FRRS1: variants seen among roughly 807,000 people sequenced by gnomAD.
FRRS1 encodes ferric chelate reductase 1, also known as ferric reductase 1.
A neutral mutation model predicts 70.7 loss-of-function variants in FRRS1; 51 were observed. The ratio of observed to expected loss-of-function variants is 0.72; its 90% confidence interval spans 0.58 to 0.91. FRRS1 has a LOEUF of 0.91. Among genes scored for constraint, FRRS1 ranks in the 40% least tolerant of loss-of-function variants. The pLI is 0.00. For missense variants in FRRS1, 672 were observed against 726.0 expected (o/e 0.93, Z 0.86); for synonymous variants, 225 against 238.7 (o/e 0.94, Z 0.53).
rs141062320 is a variant in FRRS1 at position 99,754,641 on chromosome 1, G to A, written c.-105-5640C>T. 5.6e-3 allele frequency among the ~76,000 whole-genome samples: 859 copies of A among 152,212 alleles called. 9 individuals are homozygous for A. In the Middle Eastern group the frequency reaches 0.092, roughly 16 times the overall value. ...TATTTCATCCAACAACAGAATACAC[G>A]TTCCTCTCAAGCTCACATGGAATGT... On this transcript the variant is annotated intron_variant, in intron 1 of 16. Coordinates refer to ENST00000646001, the MANE Select transcript of FRRS1 (RefSeq NM_001361041.2).
chr1:99,709,138 A>T lies in FRRS1; in HGVS notation c.1687-18T>A. On this transcript the variant is annotated intron_variant, in intron 16 of 16. Transcript: ENST00000646001. Reference sequence around the variant, plus strand: ...GCATGACCCTGAAAGAAAAATTGAGATATGAAAAAAAAAAGTATTACCATT... The same window carrying T: ...GCATGACCCTGAAAGAAAAATTGAGTTATGAAAAAAAAAAGTATTACCATT... 6.2e-7 allele frequency: 1 copy of T among 1,607,454 alleles called. No homozygotes were observed. Among genetic ancestry groups the T allele is most frequent in the Non-Finnish European group, 8.5e-7 (1 of 1,175,676 alleles).
At position 99,729,707 on chromosome 1, in the gene FRRS1, A is replaced by T. The variant is rs1428738377; in HGVS notation, c.801T>A (p.Thr267=). ...TTAAATGGGAAGGCTGGATGTACAC[A>T]GTCTGATCTTCATGAATACACAGAT... ...DAYLCIHEDQ[T]VYIQPSHLTG... is the part of the protein sequence containing the mutation. Residue 267 remains threonine (T), a synonymous_variant, in exon 8 of 17, where the codon ACT becomes ACA. Coordinates refer to ENST00000646001, the MANE Select transcript of FRRS1 (RefSeq NM_001361041.2). 1.2e-6 allele frequency: 2 copies of T among 1,613,598 alleles called. No individual in the cohort carries two copies. Among genetic ancestry groups the T allele is most frequent in the Non-Finnish European group, 1.7e-6 (2 of 1,179,570 alleles).
chr1:99,728,776 T>G, intron 8 of FRRS1, 136 bp from the exon 9 acceptor site: 1 of 585,462 alleles, frequency 1.7e-6, no homozygotes, highest in Middle Eastern at 2.8e-4. Context: ...TGTCATTGTT[T>G]TTCCACTTCC....
intron 6 of FRRS1, among the ~76,000 whole-genome samples, chr1:99,740,194 A>G (rs1655882273): frequency 6.6e-6 from 1 of 151,452 alleles, no homozygotes; most frequent in Non-Finnish European, 1.5e-5. Flanking sequence ...TCTTCTTTTG[A>G]TATCTGGCTG....
chr1:99,722,283 A>G (rs969670039), intron 9 of FRRS1, among the ~76,000 whole-genome samples: 3 of 152,244 alleles, frequency 2.0e-5, no homozygotes, highest in Admixed American at 2.0e-4. Flanking sequence ...TGCTTGGATT[A>G]CAGCATAAGC....
chr1:99,723,133 T>C (rs1320784591), intron 9 of FRRS1, among the ~76,000 whole-genome samples: 1 of 152,170 alleles, frequency 6.6e-6, no homozygotes, highest in South Asian at 2.1e-4. Context: ...TAAAATTTCA[T>C]TGAAAGACAC....
intron 9 of FRRS1, among the ~76,000 whole-genome samples, chr1:99,726,786 A>T (rs1173104558): frequency 2.0e-5 from 3 of 152,216 alleles, no homozygotes; most frequent in African/African-American, 7.2e-5. Context: ...AGCTCACTGC[A>T]GCCTCAACCT....
At chr1:99,742,345 T>C in intron 4 of FRRS1, 72 bp from the exon 5 acceptor site, 1 of 934,962 alleles carries the variant, frequency 1.1e-6, no homozygotes, top group Admixed American at 1.8e-5. Context: ...TCTATCATTT[T>C]GCGAAGTAAT....
In FRRS1 at chr1:99,706,576, C is replaced by A. The variant is rs903228419; in HGVS notation, c.*2452G>T. On this transcript the variant is annotated 3_prime_UTR_variant, in exon 17 of 17. Transcript: ENST00000646001. ...CAAGCCCACATATTTGAAGACCAAA[C>A]ACATCAAGACTCATCTTTCCCTTAA... is the stretch of plus-strand genomic sequence containing the variant. Among the ~76,000 whole-genome samples the A allele has an allele frequency of 1.3e-5, 2 of 152,142 alleles. No individual in the cohort carries two copies. The highest frequency in any genetic ancestry group is 6.6e-5 in the Admixed American group (1 of 15,266).
At chr1:99,738,398 A>C (rs1007249129) in intron 6 of FRRS1, 130 bp from the exon 7 acceptor site, 2 of 595,034 alleles carry the variant, frequency 3.4e-6, no homozygotes, top group African/African-American at 3.8e-5. Context: ...CATAATAAGC[A>C]TTCAAATAAG....
chr1:99,704,550 G>C lies in FRRS1; in HGVS notation c.*4478C>G, dbSNP rs1239260494. ...ACCCGTGCCCACGGGTCTAAGTGAG[G>C]ACAGGCACCCCTGCCTTCAGCGCCC... On this transcript the variant is annotated 3_prime_UTR_variant, in exon 17 of 17. Transcript: ENST00000646001. Among the ~76,000 whole-genome samples, 1 of 152,144 alleles carries C rather than the reference G, an allele frequency of 6.6e-6. No homozygotes were observed. Among genetic ancestry groups the C allele is most frequent in the Non-Finnish European group, 1.5e-5 (1 of 68,034 alleles).
intron 1 of FRRS1, among the ~76,000 whole-genome samples, chr1:99,762,563 T>TTTCAA (rs991052866): frequency 3.2e-4 from 48 of 151,956 alleles, no homozygotes; most frequent in African/African-American, 1.1e-3. Context: ...TTCTTAAATC[T>TTTCAA]TTCAATTGCT....
chr1:99,745,072 C>T (rs1382031719), intron 4 of FRRS1, among the ~76,000 whole-genome samples: 1 of 151,784 alleles, frequency 6.6e-6, no homozygotes, highest in African/African-American at 2.4e-5. Flanking sequence ...CAGAAGTACC[C>T]GATTTTGGAA....
chr1:99,712,202 T>C, intron 13 of FRRS1, 39 bp from the exon 14 acceptor site: 1 of 1,380,094 alleles, frequency 7.2e-7, no homozygotes, highest in Non-Finnish European at 1.0e-6. Context: ...TTAAAAGCAA[T>C]GGAACTATAA....
chr1:99,730,583 GC>G (rs1449700767), intron 7 of FRRS1, among the ~76,000 whole-genome samples: 1 of 151,982 alleles, frequency 6.6e-6, no homozygotes, highest in Non-Finnish European at 1.5e-5. Context: ...AATCAGCCAA[GC>G]GGGCCGGGCG....
At position 99,706,569 on chromosome 1, in the gene FRRS1, G is replaced by A. The variant is rs530665497; in HGVS notation, c.*2459C>T. Among the ~76,000 whole-genome samples, 13 of 152,230 alleles carry A rather than the reference G, an allele frequency of 8.5e-5. 1 individual carries two copies. In the South Asian group the frequency reaches 2.7e-3, roughly 32 times the overall value. ...AATATAGCAAGCCCACATATTTGAA[G>A]ACCAAACACATCAAGACTCATCTTT... On this transcript the variant is annotated 3_prime_UTR_variant, in exon 17 of 17. Coordinates refer to ENST00000646001, the MANE Select transcript of FRRS1 (RefSeq NM_001361041.2).
Position 99,708,883 on chromosome 1 carries a change from G to C in FRRS1, c.*145C>G. The C allele has an allele frequency of 4.4e-6, 7 of 1,573,254 alleles. No homozygotes were observed. Among genetic ancestry groups the C allele is most frequent in the Non-Finnish European group, 6.1e-6 (7 of 1,143,422 alleles). On this transcript the variant is annotated 3_prime_UTR_variant, in exon 17 of 17. Transcript: ENST00000646001. ...CTTGAATGTTGTTCTCTAAAGGCTG[G>C]ACTTCAGAATTCCTCTACAGACATG...
Position 99,708,628 on chromosome 1 carries a change from ATATATATAT to A in FRRS1, c.*391_*399del, listed in dbSNP as rs1654125315. The A allele has an allele frequency of 0.013, 447 of 35,222 alleles. 13 individuals are homozygous for A. Among genetic ancestry groups the A allele is most frequent in the Non-Finnish European group, 0.017 (320 of 19,262 alleles). The allele number at this position is 35,222 out of a possible 1,614,324, so 2.2% of individuals were successfully genotyped here. ...AAAAAAAAAAAAAAAAAAAAAAAAT[ATATATATAT>A]ATATATATATATATATATATATATA... On this transcript the variant is annotated 3_prime_UTR_variant, in exon 17 of 17. Coordinates refer to ENST00000646001, the MANE Select transcript of FRRS1 (RefSeq NM_001361041.2).
At position 99,708,308 on chromosome 1, in the gene FRRS1, A is replaced by T. The variant is rs1337185884; in HGVS notation, c.*720T>A. Among the ~76,000 whole-genome samples the T allele has an allele frequency of 3.3e-5, 5 of 152,012 alleles. No homozygotes were observed. The highest frequency in any genetic ancestry group is 1.2e-4 in the African/African-American group (5 of 41,380). On this transcript the variant is annotated 3_prime_UTR_variant, in exon 17 of 17. Coordinates refer to ENST00000646001, the MANE Select transcript of FRRS1 (RefSeq NM_001361041.2). ...ACAGCACCTTTGTAGTTCAAAATAT[A>T]TTTACCATAGGCTGGGCGTGGTGGC...
Sources: gnomAD v4.1 joint callset for allele counts (sites outside exome capture counted in the v4.1 genomes callset) on GRCh38, gnomAD v4.1.1 for gene constraint, MANE v1.5 for transcripts, NCBI Gene and HGNC (gene_info 2026-07-23, HGNC 2026-07-21) for gene names.